BRINP3: variants seen among roughly 807,000 people sequenced by gnomAD.
The protein encoded by BRINP3 is BMP/retinoic acid-inducible neural-specific protein 3.
In BRINP3, 19 loss-of-function variants were observed where a neutral mutation model predicts 71.0. That is an observed-to-expected ratio of 0.27 (90% CI 0.19 to 0.39). BRINP3 has a LOEUF of 0.39. BRINP3 is among the 10% of genes least tolerant of loss of function. BRINP3 has a pLI of 1.00. For synonymous variants in BRINP3, 380 were observed against 337.7 expected (o/e 1.13, Z -1.37); for missense variants, 959 against 940.8 (o/e 1.02, Z -0.25).
chr1:190,150,955 C>A (rs1656337779), intron 7 of BRINP3, among the ~76,000 whole-genome samples: 5 of 151,976 alleles, frequency 3.3e-5, no homozygotes, highest in South Asian at 2.1e-4. Context: ...ACAAGACCAC[C>A]ACATCCTCAG....
intron 6 of BRINP3, among the ~76,000 whole-genome samples, chr1:190,172,991 G>A (rs1372764296): frequency 6.6e-6 from 1 of 152,130 alleles, no homozygotes; most frequent in Admixed American, 6.6e-5. Context: ...AGTGGATTAA[G>A]AATGTTTCTT....
intron 7 of BRINP3, among the ~76,000 whole-genome samples, chr1:190,123,434 T>C (rs1653845371): frequency 6.6e-6 from 1 of 152,142 alleles, no homozygotes; most frequent in Non-Finnish European, 1.5e-5. Context: ...AGCTCGTCGG[T>C]ATGGTAAAAT....
chr1:190,111,920 A>T (rs1652733237), intron 7 of BRINP3, among the ~76,000 whole-genome samples: 1 of 152,160 alleles, frequency 6.6e-6, no homozygotes, highest in African/African-American at 2.4e-5. Context: ...GGATTTGCAT[A>T]CTGAGTCTCA....
chr1:190,098,119 G>A lies in BRINP3; in HGVS notation c.2200C>T (p.Leu734=). 3 of 1,614,156 alleles carry A rather than the reference G, an allele frequency of 1.9e-6. No homozygotes were observed. Among genetic ancestry groups the A allele is most frequent in the Non-Finnish European group, 2.5e-6 (3 of 1,180,024 alleles). Residue 734 remains leucine (L), a synonymous_variant, in exon 8 of 8, where the codon CTG becomes TTG. Transcript: ENST00000367462. The part of the protein sequence containing the change: ...FSCLLRHRLK[L]STSEVVRIQS... ...ATCCTCACCACCTCACTAGTAGACA[G>A]CTTGAGTCTATGACGAAGCAAGCAA...
At position 190,141,012 on chromosome 1, in the gene BRINP3, T is replaced by G. The variant is rs182123685; in HGVS notation, c.1184+19656A>C. Among the ~76,000 whole-genome samples the G allele has an allele frequency of 2.4e-3, 366 of 152,292 alleles. 1 individual carries two copies. The highest frequency in any genetic ancestry group is 4.2e-3 in the Non-Finnish European group (284 of 68,022). ...AAATAGGAACTTGACCAGTTGTACC[T>G]CCTCTTAGCAACAGGTGCAGAATTA... On this transcript the variant is annotated intron_variant, in intron 7 of 7. Coordinates refer to ENST00000367462, the MANE Select transcript of BRINP3 (RefSeq NM_199051.3).
At chr1:190,235,385 A>G (rs1658415759) in intron 4 of BRINP3, among the ~76,000 whole-genome samples, 1 of 152,096 alleles carries the variant, frequency 6.6e-6, no homozygotes, top group Admixed American at 6.6e-5. Context: ...TATTTAAAGC[A>G]GAGCAGTATT....
At chr1:190,141,417 A>C (rs973144574) in intron 7 of BRINP3, among the ~76,000 whole-genome samples, 1 of 152,060 alleles carries the variant, frequency 6.6e-6, no homozygotes, top group South Asian at 2.1e-4. Flanking sequence ...GTAGTCAAGA[A>C]GACACTGCAC....
At chr1:190,434,327 C>G (rs1674306327) in intron 2 of BRINP3, among the ~76,000 whole-genome samples, 1 of 151,924 alleles carries the variant, frequency 6.6e-6, no homozygotes. Context: ...CCAGGCTGGT[C>G]TCGAATTCCT....
At chr1:190,314,687 G>A (rs1665762209) in intron 2 of BRINP3, among the ~76,000 whole-genome samples, 1 of 152,108 alleles carries the variant, frequency 6.6e-6, no homozygotes. Flanking sequence ...CCTCCTGTTG[G>A]ACTTCTGGCC....
intron 5 of BRINP3, among the ~76,000 whole-genome samples, chr1:190,231,788 A>C (rs1041466792): frequency 6.6e-6 from 1 of 151,806 alleles, no homozygotes; most frequent in African/African-American, 2.4e-5. Context: ...CATCTTTTAT[A>C]TATCTTATTT....
At chr1:190,286,761 A>G (rs1226745121) in intron 2 of BRINP3, among the ~76,000 whole-genome samples, 2 of 152,162 alleles carry the variant, frequency 1.3e-5, no homozygotes, top group African/African-American at 4.8e-5. Flanking sequence ...GTCTACTGGA[A>G]CAAATTCAAA....
At chr1:190,266,844 G>T (rs180694586) in intron 3 of BRINP3, among the ~76,000 whole-genome samples, 3 of 152,194 alleles carry the variant, frequency 2.0e-5, no homozygotes, top group African/African-American at 2.4e-5. Context: ...CAAGAGACAT[G>T]TCTAAATAAG....
chr1:190,264,191 C>T (rs549346424), intron 4 of BRINP3, among the ~76,000 whole-genome samples: 1 of 149,368 alleles, frequency 6.7e-6, no homozygotes, highest in African/African-American at 2.5e-5. Context: ...CTCTCAATCT[C>T]TTTCTCTCAT....
intron 2 of BRINP3, among the ~76,000 whole-genome samples, chr1:190,452,627 G>A (rs1278320572): frequency 2.0e-5 from 3 of 152,126 alleles, no homozygotes; most frequent in Admixed American, 2.0e-4. Flanking sequence ...AGGAGGCCAC[G>A]GCAGGCGGAT....
At chr1:190,310,080 G>C (rs1453412439) in intron 2 of BRINP3, among the ~76,000 whole-genome samples, 1 of 149,348 alleles carries the variant, frequency 6.7e-6, no homozygotes, top group African/African-American at 2.5e-5. Flanking sequence ...AGTATATATG[G>C]ACTCACCTCT....
chr1:190,281,948 A>G (rs1663072759), intron 2 of BRINP3, among the ~76,000 whole-genome samples, 198 bp from the exon 3 acceptor site: 1 of 151,778 alleles, frequency 6.6e-6, no homozygotes, highest in South Asian at 2.1e-4. Context: ...ATGTAAAGGA[A>G]AAATAAGCCA....
At chr1:190,235,873 T>A (rs892632484) in intron 4 of BRINP3, among the ~76,000 whole-genome samples, 38 of 151,982 alleles carry the variant, frequency 2.5e-4, no homozygotes, top group African/African-American at 8.4e-4. Flanking sequence ...CTGTACAATT[T>A]ACTCATTTGT....
chr1:190,132,971 T>C (rs1294018325), intron 7 of BRINP3, among the ~76,000 whole-genome samples: 1 of 152,070 alleles, frequency 6.6e-6, no homozygotes, highest in African/African-American at 2.4e-5. Context: ...CTGCCAATAG[T>C]CATGCTAGTG....
chr1:190,141,563 T>A (rs1374183693), intron 7 of BRINP3, among the ~76,000 whole-genome samples: 1 of 132,832 alleles, frequency 7.5e-6, no homozygotes, highest in Non-Finnish European at 1.6e-5. Flanking sequence ...TCCTTTTTTT[T>A]TTTTTTTTTT....
Sources: allele counts gnomAD v4.1 joint callset (sites outside exome capture counted in the v4.1 genomes callset), GRCh38; gene constraint gnomAD v4.1.1; transcripts MANE v1.5; gene names NCBI Gene and HGNC (gene_info 2026-07-23, HGNC 2026-07-21).